Variants in HSD17B4 observed in about 807,000 individuals in gnomAD.
HSD17B4 encodes hydroxysteroid 17-beta dehydrogenase 4.
HSD17B4 carries 70 observed loss-of-function variants against 101.0 expected under a neutral mutation model. That is an observed-to-expected ratio of 0.69 (90% confidence interval 0.57 to 0.85). The LOEUF (loss-of-function observed/expected upper bound fraction) is 0.85. Among genes scored for constraint, HSD17B4 ranks in the 40% least tolerant of loss-of-function variants. HSD17B4 has a pLI of 0.00. For missense variants in HSD17B4, 984 were observed against 892.4 expected (o/e 1.10, Z -1.31); for synonymous variants, 347 against 297.1 (o/e 1.17, Z -1.73).
chr5:119,480,853 G>A (rs1350820168), intron 8 of HSD17B4, among the ~76,000 whole-genome samples: 2 of 152,076 alleles, frequency 1.3e-5, no homozygotes, highest in East Asian at 3.9e-4. Flanking sequence ...TCTCAGGGAC[G>A]TTCCATGCTG....
chr5:119,513,746 T>C (rs1752372787), intron 16 of HSD17B4, among the ~76,000 whole-genome samples: 1 of 152,120 alleles, frequency 6.6e-6, no homozygotes. Context: ...TATCACTTGT[T>C]GCTTTGAGAA....
chr5:119,522,510 T>G (rs1365733709), intron 17 of HSD17B4, among the ~76,000 whole-genome samples: 1 of 151,968 alleles, frequency 6.6e-6, no homozygotes, highest in Non-Finnish European at 1.5e-5. Flanking sequence ...GAATTGCAAT[T>G]TTAGTTTTAT....
At chr5:119,507,856 G>A (rs1251970119) in intron 15 of HSD17B4, among the ~76,000 whole-genome samples, 1 of 151,554 alleles carries the variant, frequency 6.6e-6, no homozygotes, top group Non-Finnish European at 1.5e-5. Flanking sequence ...GTTTAAATTT[G>A]TAAGTTTTAA....
intron 22 of HSD17B4, among the ~76,000 whole-genome samples, chr5:119,534,853 C>T (rs182136787): frequency 5.3e-5 from 8 of 152,094 alleles, no homozygotes; most frequent in African/African-American, 1.2e-4. Context: ...CTCCTGACTG[C>T]GTGCTCATGT....
intron 10 of HSD17B4, chr5:119,492,960 A>G (rs1384097617): frequency 2.0e-5 from 3 of 152,166 alleles, no homozygotes; most frequent in Non-Finnish European, 2.9e-5. Context: ...GTAGTATAAT[A>G]TTTTTAGAAT....
At chr5:119,498,564 A>T (rs1750858328) in intron 12 of HSD17B4, among the ~76,000 whole-genome samples, 1 of 152,056 alleles carries the variant, frequency 6.6e-6, no homozygotes, top group South Asian at 2.1e-4. Context: ...AAGGAAATTC[A>T]AGTTAATTTT....
At chr5:119,475,978 C>T (rs1748546961) in intron 6 of HSD17B4, 108 bp downstream of exon 6, 1 of 791,800 alleles carries the variant, frequency 1.3e-6, no homozygotes, top group Non-Finnish European at 2.2e-6. Flanking sequence ...TCTACTTTTG[C>T]TGCTAATATA....
rs570202586 is a variant in HSD17B4, at chr5:119,540,372, C to T, written c.2122-1533C>T. 6.6e-5 allele frequency among the ~76,000 whole-genome samples: 10 copies of T among 152,024 alleles called. No homozygotes were observed. In the South Asian group the frequency reaches 1.0e-3, roughly 16 times the overall value. Reference sequence around the variant, plus strand: ...AGAGTTTGGAAACTGGCAATATGGACGTATGGTTAAGGGCTTTAAGAAATA... The same window carrying T: ...AGAGTTTGGAAACTGGCAATATGGATGTATGGTTAAGGGCTTTAAGAAATA... On this transcript the variant is annotated intron_variant, in intron 23 of 23. Transcript: ENST00000510025.
At chr5:119,474,517 T>C in intron 4 of HSD17B4, 57 bp downstream of exon 4, 2 of 1,030,190 alleles carry the variant, frequency 1.9e-6, no homozygotes, top group Non-Finnish European at 3.1e-6. Flanking sequence ...CCTAATGAAA[T>C]ATTTTTAAGT....
At chr5:119,511,154 A>G (rs1752134471) in intron 16 of HSD17B4, among the ~76,000 whole-genome samples, 1 of 152,234 alleles carries the variant, frequency 6.6e-6, no homozygotes, top group Non-Finnish European at 1.5e-5. Flanking sequence ...TCCTGCAGAA[A>G]TTCTGCCTAG....
chr5:119,479,452 T>G (rs1580563895), intron 8 of HSD17B4, among the ~76,000 whole-genome samples: 1 of 152,188 alleles, frequency 6.6e-6, no homozygotes, highest in East Asian at 1.9e-4. Flanking sequence ...TTTATTACAA[T>G]TGATGAACCA....
At chr5:119,509,619 G>T (rs984082932) in intron 16 of HSD17B4, 36 of 343,892 alleles carry the variant, frequency 1.0e-4, no homozygotes, top group African/African-American at 7.5e-4. Context: ...CTATGTGTAT[G>T]TCAAGTCTTT....
rs57972893 is a variant in HSD17B4 at position 119,499,403 on chromosome 5, G to A, written c.1059G>A (p.Ala353=). The A allele has an allele frequency of 5.4e-4, 879 of 1,613,486 alleles. 7 individuals carry two copies. The African/African-American group carries it at 9.3e-3, about 17-fold the overall frequency. Residue 353 remains alanine, a synonymous_variant, in exon 13 of 24, where the codon GCG becomes GCA. Coordinates refer to ENST00000510025, the MANE Select transcript of HSD17B4 (RefSeq NM_000414.4). ...EAIMYALGVG[A]SIKDPKDLKF... ...TTATGTATGCCCTTGGAGTGGGAGC[G>A]TCAATCAAGGATCCAAAAGATTTGA...
intron 21 of HSD17B4, among the ~76,000 whole-genome samples, chr5:119,530,857 A>AAAAAAAC (rs1174183202): frequency 7.3e-6 from 1 of 137,546 alleles, no homozygotes; most frequent in African/African-American, 2.7e-5. Context: ...AAAAAAAAAA[A>AAAAAAAC]AAAAAACAAA....
chr5:119,525,425 A>G, intron 18 of HSD17B4, 140 bp downstream of exon 18: 1 of 682,804 alleles, frequency 1.5e-6, no homozygotes, highest in East Asian at 2.7e-5. Flanking sequence ...CATTTATGCA[A>G]AGGATATGGA....
chr5:119,462,270 TTTTTTTTTTTTTTG>T (rs1755328423), intron 2 of HSD17B4, among the ~76,000 whole-genome samples: 1 of 139,888 alleles, frequency 7.1e-6, no homozygotes, highest in African/African-American at 2.7e-5. Flanking sequence ...TTTTTTTTTT[TTTTTTTTTTTTTTG>T]CTTAGTGGAA....
intron 20 of HSD17B4, among the ~76,000 whole-genome samples, chr5:119,527,669 A>T (rs944145160): frequency 1.3e-5 from 2 of 152,158 alleles, no homozygotes; most frequent in Admixed American, 1.3e-4. Context: ...TCGAAAAAAA[A>T]TTAGAACAAC....
At chr5:119,513,104 GA>G (rs1295368942) in intron 16 of HSD17B4, among the ~76,000 whole-genome samples, 1 of 152,130 alleles carries the variant, frequency 6.6e-6, no homozygotes, top group African/African-American at 2.4e-5. Context: ...AAATTACCTT[GA>G]CAGGTATTAA....
intron 20 of HSD17B4, among the ~76,000 whole-genome samples, chr5:119,528,412 T>A (rs1019738578): frequency 6.6e-6 from 1 of 152,302 alleles, no homozygotes; most frequent in South Asian, 2.1e-4. Context: ...TTGTTTATTT[T>A]ACTTTTCAAA....
Sources: gnomAD v4.1 joint callset for allele counts (sites outside exome capture counted in the v4.1 genomes callset) on GRCh38, gnomAD v4.1.1 for gene constraint, MANE v1.5 for transcripts, NCBI Gene and HGNC (gene_info 2026-07-23, HGNC 2026-07-21) for gene names.